The following PKD2 variants were observed in gnomAD, a reference collection of about 807,000 sequenced individuals.
PKD2 encodes the protein polycystin 2, transient receptor potential cation channel, also known as polycystin-2.
Under a neutral mutation model 105.9 loss-of-function variants are expected in PKD2, and 48 were observed. The ratio of observed to expected loss-of-function variants is 0.45; its 90% CI spans 0.36 to 0.58. The LOEUF is 0.58. PKD2 is among the 20% of genes least tolerant of loss of function. The probability of loss-of-function intolerance (pLI) is 0.00; values close to 1 mark genes in which losing one functional copy is unlikely to be tolerated. For synonymous variants in PKD2, 464 were observed against 481.1 expected (o/e 0.96, Z 0.46); for missense variants, 1,078 against 1,255.3 (o/e 0.86, Z 2.13).
In PKD2 at chr4:88,046,672, T is replaced by C. The variant is rs1290672241; in HGVS notation, c.1350T>C (p.Gly450=). The C allele has an allele frequency of 1.2e-6, 2 of 1,612,128 alleles. No homozygotes were observed. Among genetic ancestry groups the C allele is most frequent in the Non-Finnish European group, 1.7e-6 (2 of 1,178,224 alleles). Residue 450 remains glycine, a synonymous_variant, in exon 6 of 15, where the codon GGT becomes GGC. Coordinates refer to ENST00000237596, the MANE Select transcript of PKD2 (RefSeq NM_000297.4). ...TGGTTGAATTCCCAGCAACAGGTGG[T>C]GTGATTCCATCTTGGCAATTTCAGC... ...RLLVEFPATG[G]VIPSWQFQPL...
At chr4:88,063,180 CAAAG>C (rs1253200702) in intron 10 of PKD2, among the ~76,000 whole-genome samples, 2 of 152,002 alleles carry the variant, frequency 1.3e-5, no homozygotes, top group Non-Finnish European at 2.9e-5. Flanking sequence ...AATTCACAAA[CAAAG>C]AAAGCATGTA....
chr4:88,043,926 C>T lies in PKD2; in HGVS notation c.1319+469C>T, dbSNP rs369108667. 3.0e-4 allele frequency among the ~76,000 whole-genome samples: 45 copies of T among 152,282 alleles called. No individual in the cohort carries two copies. The South Asian group carries it at 9.1e-3, about 31-fold the overall frequency. On this transcript the variant is annotated intron_variant, in intron 5 of 14. Coordinates refer to ENST00000237596, the MANE Select transcript of PKD2 (RefSeq NM_000297.4). ...CAGTAGGATACCCAGGTTACCTGCT[C>T]GTGCTCAGGGCTACCAAAGGCACGT... is the stretch of plus-strand genomic sequence containing the variant.
rs747299173 is a variant in PKD2 at position 88,046,636 on chromosome 4, A to C, written c.1320-6A>C. On this transcript the variant is annotated splice_polypyrimidine_tract_variant and splice_region_variant and intron_variant, in intron 5 of 14. Coordinates refer to ENST00000237596, the MANE Select transcript of PKD2 (RefSeq NM_000297.4). ...TATTGTTTTAATTGTTCTTATTTAC[A>C]TGCAGGTTATTGGTTGAATTCCCAG... is the stretch of plus-strand genomic sequence containing the variant. 1.3e-6 allele frequency: 2 copies of C among 1,518,382 alleles called. No individual in the cohort carries two copies. The highest frequency in any genetic ancestry group is 1.1e-5 in the South Asian group (1 of 89,184). 94.1% of individuals were successfully genotyped at this position (1,518,382 alleles called of 1,614,324 possible).
At chr4:88,015,123 A>G (rs891542787) in intron 1 of PKD2, among the ~76,000 whole-genome samples, 3 of 152,228 alleles carry the variant, frequency 2.0e-5, no homozygotes, top group Admixed American at 6.5e-5. Flanking sequence ...CCTTTTAACC[A>G]TGGAACTGAA....
At chr4:88,039,969 T>G (rs1727496125) in intron 4 of PKD2, among the ~76,000 whole-genome samples, 1 of 152,190 alleles carries the variant, frequency 6.6e-6, no homozygotes, top group Admixed American at 6.5e-5. Flanking sequence ...CCTTCATCTG[T>G]GGTACCCTTT....
At chr4:88,037,801 A>C (rs896465843) in intron 3 of PKD2, among the ~76,000 whole-genome samples, 1 of 152,236 alleles carries the variant, frequency 6.6e-6, no homozygotes, top group African/African-American at 2.4e-5. Flanking sequence ...CCATACAGCA[A>C]AATAGTCCAG....
chr4:88,036,474 A>C (rs1166161059), intron 3 of PKD2, 121 bp downstream of exon 3: 2 of 1,518,520 alleles, frequency 1.3e-6, no homozygotes, highest in East Asian at 2.4e-5. Flanking sequence ...GTGAGACGTA[A>C]GTTATGGTGA....
At chr4:88,073,070 G>T (rs1721093659) in intron 13 of PKD2, among the ~76,000 whole-genome samples, 1 of 149,738 alleles carries the variant, frequency 6.7e-6, no homozygotes, top group Non-Finnish European at 1.5e-5. Context: ...GAACATTGAG[G>T]CTGGGCATGG....
chr4:88,066,642 C>T (rs932688388), intron 12 of PKD2, among the ~76,000 whole-genome samples: 5 of 152,000 alleles, frequency 3.3e-5, no homozygotes, highest in East Asian at 3.9e-4. Context: ...CAGTAGCCAC[C>T]GTGCCTTTCC....
intron 14 of PKD2, 60 bp from the exon 15 acceptor site, chr4:88,075,398 G>C (rs533301595): frequency 1.9e-4 from 232 of 1,197,508 alleles, no homozygotes; most frequent in Non-Finnish European, 2.8e-4. Context: ...TTTGGTCCCT[G>C]GACTTCCTAA....
chr4:88,065,743 A>G lies in PKD2; in HGVS notation c.2241-19A>G, dbSNP rs1288596010. ...GGTACAAGGAATGATTTTTATCTGT[A>G]TCCTCTCTCTAATTTCAGGAAGGGC... On this transcript the variant is annotated intron_variant, in intron 11 of 14. Coordinates refer to ENST00000237596, the MANE Select transcript of PKD2 (RefSeq NM_000297.4). The G allele has an allele frequency of 1.3e-6, 2 of 1,523,448 alleles. No homozygotes were observed. The highest frequency in any genetic ancestry group is 2.3e-5 in the East Asian group (1 of 44,434). The allele number at this position is 1,523,448 out of a possible 1,614,324, so 94.4% of individuals were successfully genotyped here.
At chr4:88,011,906 G>T (rs77886354) in intron 1 of PKD2, among the ~76,000 whole-genome samples, 1 of 90,232 alleles carries the variant, frequency 1.1e-5, no homozygotes. Flanking sequence ...GGGGGGGGGG[G>T]AGGGGCAGTT....
At chr4:88,056,987 T>G (rs2728134) in intron 8 of PKD2, among the ~76,000 whole-genome samples, 13,090 of 151,962 alleles carry the variant, frequency 0.086, 726 homozygotes, top group East Asian at 0.24. Context: ...GTTTTGTTTT[T>G]TTTTGTTTTG....
At chr4:88,067,141 A>C (rs986852217) in intron 12 of PKD2, among the ~76,000 whole-genome samples, 1 of 152,160 alleles carries the variant, frequency 6.6e-6, no homozygotes, top group Admixed American at 6.5e-5. Flanking sequence ...AAAACCTAAA[A>C]CTTCTTGAGC....
chr4:88,024,446 C>G (rs1726875894), intron 2 of PKD2, among the ~76,000 whole-genome samples: 1 of 82,904 alleles, frequency 1.2e-5, no homozygotes, highest in East Asian at 3.7e-4. Flanking sequence ...AATAGAGCAA[C>G]ACTCTGTCTC....
At chr4:88,054,231 T>TA (rs1209171384) in intron 7 of PKD2, among the ~76,000 whole-genome samples, 1 of 150,082 alleles carries the variant, frequency 6.7e-6, no homozygotes, top group Non-Finnish European at 1.5e-5. Context: ...CTGTCCCTAC[T>TA]AAAAATACAA....
chr4:88,011,904 G>T (rs924831029), intron 1 of PKD2, among the ~76,000 whole-genome samples: 3 of 131,256 alleles, frequency 2.3e-5, no homozygotes, highest in Non-Finnish European at 4.8e-5. Flanking sequence ...GGGGGGGGGG[G>T]GGAGGGGCAG....
Position 88,056,058 on chromosome 4 carries a change from A to C in PKD2, c.1717-28A>C, listed in dbSNP as rs370270912. On this transcript the variant is annotated intron_variant, in intron 7 of 14. Transcript: ENST00000237596. ...GTCACACCATTTTGTTTATCCATTC[A>C]TCTATTGATGTCTTCTCTCTCTTAC... The C allele has an allele frequency of 1.1e-5, 16 of 1,438,118 alleles. No homozygotes were observed. In the African/African-American group the frequency reaches 2.2e-4, roughly 20 times the overall value. 89.1% of individuals were successfully genotyped at this position (1,438,118 alleles called of 1,614,324 possible). A position where few individuals can be genotyped will look rare whatever the true frequency, so the allele number is the denominator to read the frequency against.
At chr4:88,011,706 A>G (rs369800902) in intron 1 of PKD2, among the ~76,000 whole-genome samples, 23 of 152,144 alleles carry the variant, frequency 1.5e-4, no homozygotes, top group African/African-American at 5.3e-4. Flanking sequence ...GAGACTTAAA[A>G]AAAGATTTGA....
Sources: allele counts gnomAD v4.1 joint callset (sites outside exome capture counted in the v4.1 genomes callset), GRCh38; gene constraint gnomAD v4.1.1; transcripts MANE v1.5; gene names NCBI Gene and HGNC (gene_info 2026-07-23, HGNC 2026-07-21).